The following MSH4 variants were observed in gnomAD, a reference collection of about 807,000 sequenced individuals.
The protein encoded by MSH4 is mutS protein homolog 4.
A neutral mutation model predicts 113.7 loss-of-function variants in MSH4; 106 were observed. The observed-to-expected ratio is 0.93, with a 90% CI of 0.80 to 1.10. MSH4 has a LOEUF of 1.10. Among genes scored for constraint, MSH4 ranks in the 50% least tolerant of loss-of-function variants. The pLI is 0.00. For missense variants in MSH4, 1,061 were observed against 1,093.7 expected (o/e 0.97, Z 0.42); for synonymous variants, 368 against 380.2 (o/e 0.97, Z 0.37).
In MSH4 at chr1:75,856,814, T is replaced by G. The variant is rs868579718; in HGVS notation, c.1230+8538T>G. Reference sequence around the variant, plus strand: ...TTGGGTATATGCCCAGTAATGGGATTGCTGGGTCAAATGGTATTTCCAGTT... The same window carrying G: ...TTGGGTATATGCCCAGTAATGGGATGGCTGGGTCAAATGGTATTTCCAGTT... On this transcript the variant is annotated intron_variant, in intron 8 of 19. Coordinates refer to ENST00000263187, the MANE Select transcript of MSH4 (RefSeq NM_002440.4). 9.8e-5 allele frequency among the ~76,000 whole-genome samples: 15 copies of G among 152,336 alleles called. No individual in the cohort carries two copies. In the South Asian group the frequency reaches 2.5e-3, roughly 25 times the overall value.
chr1:75,865,042 T>G (rs1651533258), intron 8 of MSH4, among the ~76,000 whole-genome samples: 1 of 152,078 alleles, frequency 6.6e-6, no homozygotes, highest in African/African-American at 2.4e-5. Flanking sequence ...ACTTACTCTA[T>G]TCCATCTCTC....
intron 1 of MSH4, among the ~76,000 whole-genome samples, chr1:75,802,466 C>T (rs1157258382): frequency 6.6e-6 from 1 of 152,180 alleles, no homozygotes; most frequent in African/African-American, 2.4e-5. Context: ...AATAGGTGAA[C>T]AGAGCCCAAA....
At chr1:75,908,614 A>T (rs952204197) in intron 19 of MSH4, among the ~76,000 whole-genome samples, 1 of 152,204 alleles carries the variant, frequency 6.6e-6, no homozygotes, top group South Asian at 2.1e-4. Flanking sequence ...TGCTTTGTTC[A>T]TTTGGGGAGA....
rs185776736 is a variant in MSH4 at position 75,829,189 on chromosome 1, A to G, written c.1162+6608A>G. Among the ~76,000 whole-genome samples the G allele has an allele frequency of 6.8e-4, 104 of 152,324 alleles. No individual in the cohort carries two copies. In the Middle Eastern group the frequency reaches 0.014, roughly 20 times the overall value. ...CGTCCATGGAGCCTCGCTCACTGCT[A>G]GCACAGCAGTCTGAGATCGAACTGC... On this transcript the variant is annotated intron_variant, in intron 7 of 19. Transcript: ENST00000263187.
At chr1:75,885,925 A>G (rs1383842617) in intron 15 of MSH4, among the ~76,000 whole-genome samples, 1 of 36,300 alleles carries the variant, frequency 2.8e-5, no homozygotes, top group Non-Finnish European at 6.6e-5. Context: ...AATATATATG[A>G]TGTATTATAT....
chr1:75,906,650 A>T (rs543687384), intron 19 of MSH4, among the ~76,000 whole-genome samples: 165 of 136,380 alleles, frequency 1.2e-3, no homozygotes, highest in African/African-American at 4.5e-3. Context: ...TATTTTAAAC[A>T]GATAACTACT....
chr1:75,820,875 C>T (rs1650393407), intron 6 of MSH4, among the ~76,000 whole-genome samples: 1 of 151,300 alleles, frequency 6.6e-6, no homozygotes, highest in Non-Finnish European at 1.5e-5. Flanking sequence ...TATATATGCA[C>T]CCAATACAGG....
rs1176563922 is a variant in MSH4, at chr1:75,863,197, A to G, written c.1231-4317A>G. On this transcript the variant is annotated intron_variant, in intron 8 of 19. Coordinates refer to ENST00000263187, the MANE Select transcript of MSH4 (RefSeq NM_002440.4). Reference sequence around the variant, plus strand: ...TATTCTATGATTCATTTTAGTAAGTATTATGATAAGTGCTAAAATATAATA... The same window carrying G: ...TATTCTATGATTCATTTTAGTAAGTGTTATGATAAGTGCTAAAATATAATA... 4.6e-5 allele frequency among the ~76,000 whole-genome samples: 7 copies of G among 152,278 alleles called. No homozygotes were observed. The East Asian group carries it at 1.3e-3, about 29-fold the overall frequency.
intron 7 of MSH4, 45 bp downstream of exon 7, chr1:75,822,626 A>G: frequency 2.9e-6 from 3 of 1,029,878 alleles, no homozygotes; most frequent in Non-Finnish European, 4.0e-6. Flanking sequence ...TTATTGAAAA[A>G]TACAGTTGGC....
chr1:75,836,302 C>CTTTTTTTTTTTTTTTTTTTTT (rs71071968), intron 7 of MSH4, among the ~76,000 whole-genome samples: 1 of 135,960 alleles, frequency 7.4e-6, no homozygotes. Context: ...CTTTCTTTTT[C>CTTTTTTTTTTTTTTTTTTTTT]TTTTTTTTTT....
Position 75,822,571 on chromosome 1 carries a change from ACTTCAATCAGGTAAAT to A in MSH4, c.1154_1162+7del. 1 of 1,495,752 alleles carries A rather than the reference ACTTCAATCAGGTAAAT, an allele frequency of 6.7e-7. No individual in the cohort carries two copies. The allele number at this position is 1,495,752 out of a possible 1,614,324, so 92.7% of individuals were successfully genotyped here. ...TTCAAGATGAGGAACTATTTTTTGG[ACTTCAATCAGGTAAAT>A]CAATATTATTTAATATTATAAATAC... On this transcript the variant is annotated splice_donor_variant and splice_donor_5th_base_variant and coding_sequence_variant and intron_variant, in exon 7 of 20. Coordinates refer to ENST00000263187, the MANE Select transcript of MSH4 (RefSeq NM_002440.4). LOFTEE classifies it high-confidence loss of function.
chr1:75,883,668 C>T lies in MSH4; in HGVS notation c.1954C>T (p.Pro652Ser). The T allele has an allele frequency of 6.2e-7, 1 of 1,613,228 alleles. No homozygotes were observed. Among genetic ancestry groups the T allele is most frequent in the South Asian group, 1.1e-5 (1 of 91,044 alleles). ...TTTAGCAATCAAACAGGGATGGCAT[C>T]CTATTCTTGAAAAAATATCTGCGGA... ...DTLAIKQGWHPILEKISAEKP... is the reference protein window; with the variant it reads ...DTLAIKQGWHSILEKISAEKP... The change falls in exon 15 of 20, where the codon CCT (proline) becomes TCT (serine). Residue 652 changes from proline to serine, a missense_variant. Physicochemically the swap from Pro to Ser is moderately conservative, Grantham distance 74. Transcript: ENST00000263187.
chr1:75,815,305 G>T (rs777707077), intron 5 of MSH4, among the ~76,000 whole-genome samples, 169 bp downstream of exon 5: 7 of 152,036 alleles, frequency 4.6e-5, no homozygotes, highest in Non-Finnish European at 8.8e-5. Context: ...AAAATTACCT[G>T]GTTCATAATA....
chr1:75,880,939 A>G (rs928464980), intron 13 of MSH4, among the ~76,000 whole-genome samples: 2 of 151,966 alleles, frequency 1.3e-5, no homozygotes, highest in Non-Finnish European at 2.9e-5. Context: ...GATTTGACCT[A>G]TATCAAATAT....
intron 7 of MSH4, among the ~76,000 whole-genome samples, chr1:75,847,236 C>T (rs1318769265): frequency 1.3e-5 from 2 of 152,198 alleles, no homozygotes; most frequent in African/African-American, 4.8e-5. Context: ...GTTTCCAACA[C>T]ATGAACGTTG....
intron 17 of MSH4, among the ~76,000 whole-genome samples, 188 bp downstream of exon 17, chr1:75,891,012 TATAG>T (rs1380676211): frequency 1.3e-5 from 2 of 152,132 alleles, no homozygotes; most frequent in Admixed American, 1.3e-4. Context: ...ATAACCATGA[TATAG>T]ATAAGGAAAA....
intron 1 of MSH4, among the ~76,000 whole-genome samples, chr1:75,799,615 G>T (rs1316123754): frequency 1.3e-5 from 2 of 152,178 alleles, no homozygotes; most frequent in Non-Finnish European, 2.9e-5. Context: ...AGAAAAACAC[G>T]TGCAAAGGCA....
chr1:75,904,565 G>A (rs1157961328), intron 19 of MSH4, among the ~76,000 whole-genome samples: 1 of 150,518 alleles, frequency 6.6e-6, no homozygotes, highest in Non-Finnish European at 1.5e-5. Context: ...GGACTGGAGT[G>A]TGGTGGTGCA....
chr1:75,885,051 G>GTATATATATATATATA (rs1217705221), intron 15 of MSH4, among the ~76,000 whole-genome samples: 1,448 of 112,644 alleles, frequency 0.013, 10 homozygotes, highest in African/African-American at 0.017. Context: ...GTGTGTGTGT[G>GTATATATATATATATA]TGTGTGTGTA....
Sources: gnomAD v4.1 joint callset for allele counts (sites outside exome capture counted in the v4.1 genomes callset) on GRCh38, gnomAD v4.1.1 for gene constraint, MANE v1.5 for transcripts, NCBI Gene and HGNC (gene_info 2026-07-23, HGNC 2026-07-21) for gene names.